Variants in AUTS2 observed in about 807,000 individuals in gnomAD.
The protein encoded by AUTS2 is activator of transcription and developmental regulator AUTS2, also known as autism susceptibility gene 2 protein.
AUTS2 carries 17 observed loss-of-function variants against 112.4 expected under a neutral mutation model. The ratio of observed to expected loss-of-function variants is 0.15; its 90% confidence interval spans 0.10 to 0.23. The LOEUF (loss-of-function observed/expected upper bound fraction) is 0.23, where lower values mean the gene tolerates loss of function less well. Among genes scored for constraint, AUTS2 ranks in the 10% least tolerant of loss-of-function variants. The pLI is 1.00. For missense variants in AUTS2, 1,510 were observed against 1,701.6 expected, an observed-to-expected ratio of 0.89 and a Z score of 1.98; for synonymous variants, 751 against 702.7, an observed-to-expected ratio of 1.07 and a Z score of -1.09.
chr7:69,649,964 T>C (rs938467640), intron 1 of AUTS2, among the ~76,000 whole-genome samples: 5 of 152,212 alleles, frequency 3.3e-5, no homozygotes, highest in African/African-American at 1.2e-4. Flanking sequence ...TCTGCCCTTT[T>C]CCTTCCCCAC....
At chr7:70,083,052 CTTCTGG>C (rs1466046324) in intron 2 of AUTS2, among the ~76,000 whole-genome samples, 1 of 152,162 alleles carries the variant, frequency 6.6e-6, no homozygotes, top group Non-Finnish European at 1.5e-5. Context: ...AACTCGCTTA[CTTCTGG>C]TTAGTGAAAT....
intron 2 of AUTS2, among the ~76,000 whole-genome samples, chr7:69,997,085 G>A (rs80353386): frequency 6.6e-6 from 1 of 152,046 alleles, no homozygotes; most frequent in African/African-American, 2.4e-5. Flanking sequence ...GAGATTTAAC[G>A]GTCTATCCTA....
intron 2 of AUTS2, among the ~76,000 whole-genome samples, chr7:70,052,258 G>A (rs1027604139): frequency 6.6e-5 from 10 of 152,104 alleles, no homozygotes; most frequent in African/African-American, 1.9e-4. Flanking sequence ...ATGATAGGGG[G>A]TTCCAGGTAC....
intron 1 of AUTS2, among the ~76,000 whole-genome samples, chr7:69,702,157 A>G (rs1797843812): frequency 6.6e-6 from 1 of 152,200 alleles, no homozygotes; most frequent in Non-Finnish European, 1.5e-5. Context: ...TTGGATGCTC[A>G]TGTGTGGTCT....
intron 2 of AUTS2, among the ~76,000 whole-genome samples, chr7:69,979,117 T>A (rs1344727270): frequency 6.6e-6 from 1 of 152,258 alleles, no homozygotes; most frequent in Admixed American, 6.5e-5. Context: ...TCCTTGGGTT[T>A]TCTGTTAGAA....
chr7:70,269,091 A>G (rs1004696644), intron 4 of AUTS2, among the ~76,000 whole-genome samples: 4 of 152,150 alleles, frequency 2.6e-5, no homozygotes, highest in African/African-American at 9.7e-5. Context: ...ACCAATTATC[A>G]TCCTTAACCC....
chr7:70,534,705 C>T (rs542781651), intron 5 of AUTS2, among the ~76,000 whole-genome samples: 5 of 152,276 alleles, frequency 3.3e-5, no homozygotes, highest in South Asian at 2.1e-4. Flanking sequence ...GGATTACAGG[C>T]GTGAGCCACT....
At chr7:70,310,870 G>A (rs773780593) in intron 4 of AUTS2, among the ~76,000 whole-genome samples, 51 of 152,164 alleles carry the variant, frequency 3.4e-4, no homozygotes, top group Admixed American at 1.0e-3. Context: ...TGATGGTATC[G>A]TCCTACTGGG....
intron 1 of AUTS2, among the ~76,000 whole-genome samples, chr7:69,617,194 T>A (rs993005372): frequency 1.3e-5 from 2 of 151,954 alleles, no homozygotes; most frequent in African/African-American, 2.4e-5. Context: ...AGAAAAAAAA[T>A]TGATTCCTGG....
chr7:69,793,590 G>T (rs1355826985), intron 1 of AUTS2, among the ~76,000 whole-genome samples: 2 of 152,174 alleles, frequency 1.3e-5, no homozygotes, highest in Non-Finnish European at 2.9e-5. Flanking sequence ...CTTAGGGGAA[G>T]TGGCTTTGGG....
intron 4 of AUTS2, among the ~76,000 whole-genome samples, chr7:70,267,238 C>T (rs1787473173): frequency 6.6e-6 from 1 of 151,628 alleles, no homozygotes; most frequent in Admixed American, 6.6e-5. Flanking sequence ...ATGGAAATGG[C>T]ATTTCCTCAT....
intron 5 of AUTS2, among the ~76,000 whole-genome samples, chr7:70,496,311 C>T (rs1383371293): frequency 6.8e-5 from 9 of 132,976 alleles, no homozygotes; most frequent in African/African-American, 1.2e-4. Context: ...ACACACACCA[C>T]GTACACAGTC....
chr7:70,476,302 G>A (rs1010365599), intron 5 of AUTS2, among the ~76,000 whole-genome samples: 1 of 152,076 alleles, frequency 6.6e-6, no homozygotes, highest in South Asian at 2.1e-4. Context: ...GCCCTCACGT[G>A]AGGCTCACCC....
intron 2 of AUTS2, among the ~76,000 whole-genome samples, chr7:69,989,563 A>G (rs776846948): frequency 1.3e-5 from 2 of 152,172 alleles, no homozygotes; most frequent in Non-Finnish European, 2.9e-5. Flanking sequence ...GCAGCTACTC[A>G]TTGAAGTTGT....
chr7:70,195,139 C>G (rs1810105619), intron 4 of AUTS2, among the ~76,000 whole-genome samples: 1 of 152,122 alleles, frequency 6.6e-6, no homozygotes, highest in Non-Finnish European at 1.5e-5. Context: ...TCCTGACGGT[C>G]CTTCCTCAAT....
chr7:69,625,856 CAAA>C (rs1326863195), intron 1 of AUTS2, among the ~76,000 whole-genome samples: 1 of 149,700 alleles, frequency 6.7e-6, no homozygotes, highest in Non-Finnish European at 1.5e-5. Context: ...GGCTCTGTCT[CAAA>C]GAAGAAAAGA....
At chr7:70,593,088 C>T (rs1370944361) in intron 5 of AUTS2, among the ~76,000 whole-genome samples, 3 of 151,560 alleles carry the variant, frequency 2.0e-5, no homozygotes, top group African/African-American at 7.3e-5. Context: ...TGGCCTCAAG[C>T]GATTCTCCTG....
chr7:69,926,429 A>G (rs544995835), intron 2 of AUTS2, among the ~76,000 whole-genome samples: 56 of 139,538 alleles, frequency 4.0e-4, no homozygotes, highest in African/African-American at 1.3e-3. Flanking sequence ...TCTGAAATCT[A>G]TCTGTCTGTC....
intron 1 of AUTS2, among the ~76,000 whole-genome samples, chr7:69,834,774 G>C (rs765027354): frequency 1.3e-5 from 2 of 152,214 alleles, no homozygotes; most frequent in Non-Finnish European, 2.9e-5. Flanking sequence ...AAGGAGCCAG[G>C]AAGCAGCAGA....
Sources: allele counts gnomAD v4.1 joint callset (sites outside exome capture counted in the v4.1 genomes callset), GRCh38; gene constraint gnomAD v4.1.1; transcripts MANE v1.5; gene names NCBI Gene and HGNC (gene_info 2026-07-23, HGNC 2026-07-21).